CGN: variants seen among roughly 807,000 people sequenced by gnomAD.
The protein encoded by CGN is cingulin.
CGN carries 121 observed loss-of-function variants against 157.1 expected under a neutral mutation model. The ratio of observed to expected loss-of-function variants is 0.77; its 90% CI spans 0.66 to 0.90. The LOEUF is 0.90. Among genes scored for constraint, CGN ranks in the 40% least tolerant of loss-of-function variants. The pLI, the probability that CGN is intolerant of heterozygous loss-of-function variation, is 0.00. For synonymous variants in CGN, 535 were observed against 607.5 expected (o/e 0.88, Z 1.76); for missense variants, 1,424 against 1,520.9 (o/e 0.94, Z 1.06).
intron 15 of CGN, chr1:151,534,491 A>G (rs1250345684): frequency 3.6e-6 from 1 of 276,794 alleles, no homozygotes; most frequent in East Asian, 1.2e-4. Flanking sequence ...GTGCTGTGTG[A>G]TAGGCACTTA....
chr1:151,524,847 C>CA lies in CGN; in HGVS notation c.1576dup (p.Thr526AsnfsTer58), dbSNP rs1175812600. ...ATGTCCGGCAGCAGTACCAGCGAGA[C>CA]ACAGAGCAGCTCCGCAGGAGCATGC... On this transcript the variant is annotated frameshift_variant, in exon 8 of 21. Transcript: ENST00000271636. LOFTEE classifies it high-confidence loss of function. This position sits in a 1 kb window ranked among gnomAD's most constrained non-coding sequence, Gnocchi z 4.4. 1 of 1,611,990 alleles carries CA rather than the reference C, an allele frequency of 6.2e-7. No individual in the cohort carries two copies. The highest frequency in any genetic ancestry group is 1.3e-5 in the African/African-American group (1 of 74,842).
Position 151,524,944 on chromosome 1 carries a change from T to C in CGN, c.1614+58T>C. ...GGCACTGCTGGAGAACAAGGCTGCCTTGGGATCTTGGACTTTTGGACTTTT... is the reference window on the plus strand; with the variant it reads ...GGCACTGCTGGAGAACAAGGCTGCCCTGGGATCTTGGACTTTTGGACTTTT... On this transcript the variant is annotated intron_variant, in intron 8 of 20. Transcript: ENST00000271636. The surrounding 1 kb of genome is among the most constrained non-coding windows in gnomAD (Gnocchi z 4.4). 6.9e-7 allele frequency: 1 copy of C among 1,442,164 alleles called. No individual in the cohort carries two copies. The allele number at this position is 1,442,164 out of a possible 1,614,324, so 89.3% of individuals were successfully genotyped here.
chr1:151,517,507 TG>T (rs1254784583), intron 1 of CGN, among the ~76,000 whole-genome samples: 1 of 148,448 alleles, frequency 6.7e-6, no homozygotes, highest in Non-Finnish European at 1.5e-5. Flanking sequence ...AGGCACACAG[TG>T]TTTTTTTTTT....
In CGN at chr1:151,537,559, C is replaced by A; in HGVS notation, c.*213C>A. 1 of 479,784 alleles carries A rather than the reference C, an allele frequency of 2.1e-6. No individual in the cohort carries two copies. Among genetic ancestry groups the A allele is most frequent in the Non-Finnish European group, 3.7e-6 (1 of 271,694 alleles). The allele number at this position is 479,784 out of a possible 1,614,324, so 29.7% of individuals were successfully genotyped here. A position where few individuals can be genotyped will look rare whatever the true frequency, so the allele number is the denominator to read the frequency against. The stretch of plus-strand genomic sequence containing the variant: ...CACTGTAGGAGTGGACATTTCAAGC[C>A]AACTGAGCCTTTTCCTCAAGTGCCG... On this transcript the variant is annotated 3_prime_UTR_variant, in exon 21 of 21. Transcript: ENST00000271636.
chr1:151,527,084 C>T lies in CGN; in HGVS notation c.1873C>T (p.Arg625Cys), dbSNP rs758124307. The T allele has an allele frequency of 4.8e-5, 78 of 1,614,036 alleles. 1 individual carries two copies. The highest frequency in any genetic ancestry group is 4.6e-4 in the South Asian group (42 of 91,092). Reference protein sequence around the residue: ...EQARASAGDTRQVEVLKKELL... With the variant: ...EQARASAGDTCQVEVLKKELL... ...GGCCCGAGCTAGTGCTGGAGATACT[C>T]GCCAGGTTGAGGTGCTCAAGAAGGT... is the stretch of plus-strand genomic sequence containing the variant. Residue 625 changes from arginine to cysteine, a missense_variant, in exon 10 of 21, where the codon CGC (arginine) becomes TGC (cysteine). Arg to Cys is a radical substitution (Grantham distance 180). Coordinates refer to ENST00000271636, the MANE Select transcript of CGN (RefSeq NM_020770.3).
chr1:151,526,662 C>T lies in CGN; in HGVS notation c.1764-313C>T, dbSNP rs1202987905. 4.6e-5 allele frequency among the ~76,000 whole-genome samples: 7 copies of T among 151,960 alleles called. No homozygotes were observed. In the South Asian group the frequency reaches 6.2e-4, roughly 13 times the overall value. ...CTAATTTTTGTATTTTTTGTAGAGA[C>T]GGGGTTTCATTATGTTGCCCAGGCT... On this transcript the variant is annotated intron_variant, in intron 9 of 20. Coordinates refer to ENST00000271636, the MANE Select transcript of CGN (RefSeq NM_020770.3).
chr1:151,532,155 T>C (rs1038603717), intron 13 of CGN, among the ~76,000 whole-genome samples: 3 of 152,210 alleles, frequency 2.0e-5, no homozygotes, highest in Admixed American at 2.0e-4. Flanking sequence ...AATCCCATTT[T>C]ACAGATGGGG....
chr1:151,537,624 C>T lies in CGN; in HGVS notation c.*278C>T. 2.8e-6 allele frequency: 1 copy of T among 351,862 alleles called. No individual in the cohort carries two copies. The highest frequency in any genetic ancestry group is 5.2e-6 in the Non-Finnish European group (1 of 193,484). The allele number at this position is 351,862 out of a possible 1,614,324, so 21.8% of individuals were successfully genotyped here. A position where few individuals can be genotyped will look rare whatever the true frequency, so the allele number is the denominator to read the frequency against. ...TCTCTTATAGTGGAAGGATGGTCAG[C>T]ATTAGGCTGATGGGGACTGAGAAGG... On this transcript the variant is annotated 3_prime_UTR_variant, in exon 21 of 21. Coordinates refer to ENST00000271636, the MANE Select transcript of CGN (RefSeq NM_020770.3).
intron 1 of CGN, among the ~76,000 whole-genome samples, chr1:151,512,206 A>G (rs566396816): frequency 3.3e-5 from 5 of 151,512 alleles, no homozygotes; most frequent in African/African-American, 7.3e-5. Context: ...GAGAGAGAGT[A>G]CTCCCCAAGA....
chr1:151,518,929 C>T lies in CGN; in HGVS notation c.410C>T (p.Ser137Phe), dbSNP rs1664473878. 5.6e-6 allele frequency: 9 copies of T among 1,614,178 alleles called. No individual in the cohort carries two copies. The highest frequency in any genetic ancestry group is 7.6e-6 in the Non-Finnish European group (9 of 1,180,002). ...AATGGAAAGCTACTCCGTTCCCACT[C>T]CCAGGCCTCACTGGCAGGCCCTGGC... ...YWNGKLLRSHSQASLAGPGPV... is the reference protein window; with the variant it reads ...YWNGKLLRSHFQASLAGPGPV... Residue 137 changes from serine (S) to phenylalanine (F), a missense_variant, in exon 2 of 21, where the codon TCC (serine) becomes TTC (phenylalanine). Transcript: ENST00000271636.
At chr1:151,515,104 G>A (rs1172055189) in intron 1 of CGN, among the ~76,000 whole-genome samples, 1 of 151,382 alleles carries the variant, frequency 6.6e-6, no homozygotes, top group Non-Finnish European at 1.5e-5. Flanking sequence ...TCAGGTTTAA[G>A]CAATTCTCCT....
chr1:151,528,452 C>T (rs1664750904), intron 10 of CGN, among the ~76,000 whole-genome samples: 1 of 149,836 alleles, frequency 6.7e-6, no homozygotes, highest in Non-Finnish European at 1.5e-5. Flanking sequence ...GAGTCTTACT[C>T]TGCTACCCAA....
Position 151,524,417 on chromosome 1 carries a change from G to A in CGN, c.1401+59G>A. 1 of 1,602,184 alleles carries A rather than the reference G, an allele frequency of 6.2e-7. No individual in the cohort carries two copies. Among genetic ancestry groups the A allele is most frequent in the Non-Finnish European group, 8.5e-7 (1 of 1,174,326 alleles). On this transcript the variant is annotated intron_variant, in intron 7 of 20. Coordinates refer to ENST00000271636, the MANE Select transcript of CGN (RefSeq NM_020770.3). This position sits in a 1 kb window ranked among gnomAD's most constrained non-coding sequence, Gnocchi z 4.4. The stretch of plus-strand genomic sequence containing the variant: ...TTTTTCTCAGTTGGAGCATCCTCAA[G>A]TCTGCTCATCCATGGTTTCCCCAAA...
chr1:151,532,425 T>G lies in CGN; in HGVS notation c.2595T>G (p.Ser865=). 6.3e-7 allele frequency: 1 copy of G among 1,584,240 alleles called. No individual in the cohort carries two copies. Residue 865 remains serine (S), a synonymous_variant, in exon 14 of 21, where the codon TCT becomes TCG. Transcript: ENST00000271636. ...AGTTGGAGAAGATCGGGGAGGACTC[T>G]AAGCAAGCCCTGCAGCAGCTCCAGG... ...NKELEKIGED[S]KQALQQLQAQ...
intron 9 of CGN, among the ~76,000 whole-genome samples, chr1:151,526,128 T>C (rs1664674224): frequency 1.3e-5 from 2 of 151,446 alleles, no homozygotes; most frequent in Admixed American, 1.3e-4. Flanking sequence ...CCACCTTGCC[T>C]CCCAAAGCAC....
Position 151,529,915 on chromosome 1 carries a change from A to G in CGN, c.2113A>G (p.Met705Val). Residue 705 changes from methionine (M) to valine (V), a missense_variant, in exon 12 of 21, where the codon ATG (methionine) becomes GTG (valine). Physicochemically the swap from Met to Val is conservative, Grantham distance 21 (BLOSUM62 1). This residue lies in a region of CGN where 1,187 missense variants were observed against 1,217.6 expected (regional missense o/e 0.97). Coordinates refer to ENST00000271636, the MANE Select transcript of CGN (RefSeq NM_020770.3). ...QDCEEASKAK[M>V]VAEAEATVLG... ...CCCCCTGAACCGTCCTTAGGCTAAG[A>G]TGGTGGCCGAGGCAGAGGCAACAGT... The G allele has an allele frequency of 6.2e-7, 1 of 1,613,536 alleles. No individual in the cohort carries two copies. Among genetic ancestry groups the G allele is most frequent in the Admixed American group, 1.7e-5 (1 of 60,020 alleles).
Position 151,523,423 on chromosome 1 carries a change from C to T in CGN, c.1141-11C>T. Reference sequence around the variant, plus strand: ...ACCCTCTACCTGCTGTACTCTCATTCCCTTTTACAGAAGCGGCAGAAGCTA... The same window carrying T: ...ACCCTCTACCTGCTGTACTCTCATTTCCTTTTACAGAAGCGGCAGAAGCTA... On this transcript the variant is annotated splice_polypyrimidine_tract_variant and intron_variant, in intron 5 of 20. Coordinates refer to ENST00000271636, the MANE Select transcript of CGN (RefSeq NM_020770.3). 4 of 1,603,168 alleles carry T rather than the reference C, an allele frequency of 2.5e-6. No homozygotes were observed. Among genetic ancestry groups the T allele is most frequent in the Non-Finnish European group, 3.4e-6 (4 of 1,175,566 alleles).
At position 151,536,244 on chromosome 1, in the gene CGN, A is replaced by G. The variant is rs77261959; in HGVS notation, c.3205A>G (p.Thr1069Ala). ...ERLQAEEREKTVLQSTNRKLE... is the reference protein window; with the variant it reads ...ERLQAEEREKAVLQSTNRKLE... The stretch of plus-strand genomic sequence containing the variant: ...TCTTCTACCTCACCTTAGGGAGAAG[A>G]CAGTTCTGCAGTCTACCAATCGAAA... Residue 1069 changes from threonine to alanine, a missense_variant, in exon 19 of 21, where the codon ACA becomes GCA. Around this residue, in one of 3 missense-constraint regions of CGN, gnomAD observed 199 missense variants for 272.2 expected, o/e 0.73. Coordinates refer to ENST00000271636, the MANE Select transcript of CGN (RefSeq NM_020770.3). 255 of 1,596,700 alleles carry G rather than the reference A, an allele frequency of 1.6e-4. 1 individual carries two copies. Among genetic ancestry groups the G allele is most frequent in the Middle Eastern group, 1.5e-3 (9 of 6,024 alleles).
In CGN at chr1:151,524,958, T is replaced by C; in HGVS notation, c.1614+72T>C. On this transcript the variant is annotated intron_variant, in intron 8 of 20. Coordinates refer to ENST00000271636, the MANE Select transcript of CGN (RefSeq NM_020770.3). The surrounding 1 kb of genome is among the most constrained non-coding windows in gnomAD (Gnocchi z 4.4). ...ACAAGGCTGCCTTGGGATCTTGGAC[T>C]TTTGGACTTTTCATGGTTGCAACTG... The C allele has an allele frequency of 7.6e-7, 1 of 1,310,686 alleles. No individual in the cohort carries two copies. The highest frequency in any genetic ancestry group is 1.1e-6 in the Non-Finnish European group (1 of 938,452). 81.2% of individuals were successfully genotyped at this position (1,310,686 alleles called of 1,614,324 possible).
Sources: allele counts gnomAD v4.1 joint callset (sites outside exome capture counted in the v4.1 genomes callset), GRCh38; gene constraint gnomAD v4.1.1; regional missense constraint gnomAD v4.1.1; non-coding constraint Gnocchi (gnomAD v3.1); transcripts MANE v1.5; gene names NCBI Gene and HGNC (gene_info 2026-07-23, HGNC 2026-07-21).